SCAPER: variants seen among roughly 807,000 people sequenced by gnomAD.
SCAPER encodes S-phase cyclin A associated protein in the ER.
A neutral mutation model predicts 182.2 loss-of-function variants in SCAPER; 98 were observed. That is an observed-to-expected ratio of 0.54 (90% CI 0.46 to 0.64). The LOEUF is 0.64. Ranked by LOEUF, SCAPER falls within the 30% of genes least tolerant of loss-of-function variation. The pLI is 0.00. For synonymous variants in SCAPER, 605 were observed against 564.6 expected (o/e 1.07, Z -1.01); for missense variants, 1,432 against 1,690.0 (o/e 0.85, Z 2.68).
intron 17 of SCAPER, among the ~76,000 whole-genome samples, chr15:76,707,339 A>G (rs969732436): frequency 6.6e-6 from 1 of 152,118 alleles, no homozygotes; most frequent in African/African-American, 2.4e-5. Context: ...GGCAGAAATG[A>G]GCAAACCAGA....
intron 1 of SCAPER, among the ~76,000 whole-genome samples, chr15:76,891,454 T>C (rs1422147766): frequency 3.3e-5 from 5 of 152,214 alleles, no homozygotes. Flanking sequence ...CTCAAGCTGA[T>C]AAGCAACTTC....
chr15:76,844,249 T>C (rs55778276), intron 4 of SCAPER, among the ~76,000 whole-genome samples: 1 of 142,568 alleles, frequency 7.0e-6, no homozygotes, highest in African/African-American at 2.6e-5. Flanking sequence ...CAAGGACATT[T>C]GAGAGACAAA....
intron 23 of SCAPER, among the ~76,000 whole-genome samples, chr15:76,522,132 T>C (rs2042882390): frequency 6.6e-6 from 1 of 152,208 alleles, no homozygotes; most frequent in South Asian, 2.1e-4. Context: ...TGTTAGTGTA[T>C]AATATTATTT....
chr15:76,730,169 T>C (rs1003163485), intron 16 of SCAPER, among the ~76,000 whole-genome samples: 1 of 152,128 alleles, frequency 6.6e-6, no homozygotes, highest in South Asian at 2.1e-4. Flanking sequence ...AAAGAGAGAT[T>C]TGAACATTTC....
intron 15 of SCAPER, among the ~76,000 whole-genome samples, chr15:76,742,084 CAGA>C (rs1325819000): frequency 6.6e-6 from 1 of 151,942 alleles, no homozygotes; most frequent in Non-Finnish European, 1.5e-5. Context: ...TAAGATAGTG[CAGA>C]AGTTTTCTAG....
intron 2 of SCAPER, among the ~76,000 whole-genome samples, chr15:76,883,242 C>T (rs1280234367): frequency 6.6e-6 from 1 of 152,206 alleles, no homozygotes; most frequent in African/African-American, 2.4e-5. Context: ...AAGGAATTAT[C>T]GAGGCAGACT....
chr15:76,804,923 C>T (rs1001480222), intron 5 of SCAPER, among the ~76,000 whole-genome samples: 3 of 152,082 alleles, frequency 2.0e-5, no homozygotes, highest in African/African-American at 7.2e-5. Context: ...TAGAAAAGTA[C>T]ACTAAACATA....
intron 26 of SCAPER, among the ~76,000 whole-genome samples, chr15:76,426,057 G>T (rs1270823003): frequency 2.6e-5 from 4 of 152,198 alleles, no homozygotes; most frequent in Non-Finnish European, 5.9e-5. Flanking sequence ...CTACTCGGGG[G>T]TCAGGGACCC....
intron 21 of SCAPER, among the ~76,000 whole-genome samples, chr15:76,663,005 TA>T (rs1401273216): frequency 6.6e-6 from 1 of 152,090 alleles, no homozygotes; most frequent in African/African-American, 2.4e-5. Context: ...AAAGCTATTA[TA>T]AAGAAAATGT....
chr15:76,815,837 T>C (rs559950854), intron 5 of SCAPER, among the ~76,000 whole-genome samples: 5 of 152,280 alleles, frequency 3.3e-5, no homozygotes, highest in Middle Eastern at 3.4e-3. Context: ...CGTTGAAACA[T>C]TGTCTTCCAC....
intron 23 of SCAPER, among the ~76,000 whole-genome samples, chr15:76,530,059 T>C (rs1389600999): frequency 6.6e-6 from 1 of 152,172 alleles, no homozygotes; most frequent in Non-Finnish European, 1.5e-5. Context: ...AAGTGTCTTA[T>C]GAGCAGGGTC....
At chr15:76,595,852 G>A (rs1655530191) in intron 22 of SCAPER, among the ~76,000 whole-genome samples, 1 of 121,838 alleles carries the variant, frequency 8.2e-6, no homozygotes, top group African/African-American at 2.5e-5. Context: ...ATGCCCACAG[G>A]AGAAAGCAGG....
intron 15 of SCAPER, among the ~76,000 whole-genome samples, chr15:76,743,146 C>T (rs1222749330): frequency 2.0e-5 from 3 of 151,856 alleles, no homozygotes; most frequent in East Asian, 3.9e-4. Flanking sequence ...GAGTCAGAAC[C>T]GAAGTCCAAG....
chr15:76,714,551 T>C (rs113174079), intron 17 of SCAPER, among the ~76,000 whole-genome samples: 27 of 151,812 alleles, frequency 1.8e-4, no homozygotes, highest in African/African-American at 6.5e-4. Flanking sequence ...GTAGTAGTAG[T>C]AGTAGTAGTA....
At chr15:76,376,064 A>G in intron 29 of SCAPER, 98 bp downstream of exon 29, 1 of 1,468,254 alleles carries the variant, frequency 6.8e-7, no homozygotes, top group Non-Finnish European at 9.3e-7. Context: ...TACAGAGGAC[A>G]TTTGGGTTCC....
chr15:76,513,029 A>G (rs2042166379), intron 23 of SCAPER, among the ~76,000 whole-genome samples: 1 of 152,152 alleles, frequency 6.6e-6, no homozygotes, highest in Admixed American at 6.5e-5. Context: ...AGATAGACAC[A>G]CTGCTCAGTA....
At chr15:76,716,587 A>G (rs1454671200) in intron 17 of SCAPER, among the ~76,000 whole-genome samples, 1 of 152,096 alleles carries the variant, frequency 6.6e-6, no homozygotes, top group African/African-American at 2.4e-5. Context: ...TCATGATCTG[A>G]ATGAGAAATT....
chr15:76,771,984 T>C, intron 9 of SCAPER, 30 bp from the exon 10 acceptor site: 1 of 1,523,614 alleles, frequency 6.6e-7, no homozygotes, highest in Non-Finnish European at 9.0e-7. Context: ...GAATCAGAGA[T>C]AATTAAAAAA....
In SCAPER at chr15:76,873,331, A is replaced by AAGGAAGGAAGGAAGGCAGGC. The variant is rs1568382432; in HGVS notation, c.6+10480_6+10481insGCCTGCCTTCCTTCCTTCCT. Among the ~76,000 whole-genome samples, 2 of 83,738 alleles carry AAGGAAGGAAGGAAGGCAGGC rather than the reference A, an allele frequency of 2.4e-5. 1 individual carries two copies. The highest frequency in any genetic ancestry group is 5.0e-5 in the Non-Finnish European group (2 of 39,676). The allele number at this position is 83,738 out of a possible 152,430, so 54.9% of individuals were successfully genotyped here. A position where few individuals can be genotyped will look rare whatever the true frequency, so the allele number is the denominator to read the frequency against. ...GAAGGAAGGAAGGAAGGAAGGAAGG[A>AAGGAAGGAAGGAAGGCAGGC]AGGCAGGCAGGCAGGCAGGCAGGCA... On this transcript the variant is annotated intron_variant, in intron 2 of 31. Coordinates refer to ENST00000563290, the MANE Select transcript of SCAPER (RefSeq NM_020843.4).
Sources: gnomAD v4.1 joint callset for allele counts (sites outside exome capture counted in the v4.1 genomes callset) on GRCh38, gnomAD v4.1.1 for gene constraint, MANE v1.5 for transcripts, NCBI Gene and HGNC (gene_info 2026-07-23, HGNC 2026-07-21) for gene names.